CLSTN2: variants seen among roughly 807,000 people sequenced by gnomAD.
CLSTN2 encodes the protein calsyntenin 2, also known as calsyntenin-2.
Under a neutral mutation model 101.2 loss-of-function variants are expected in CLSTN2, and 48 were observed. That is an observed-to-expected ratio of 0.47 (90% confidence interval 0.38 to 0.60). CLSTN2 has a LOEUF of 0.60. Among genes scored for constraint, CLSTN2 ranks in the 20% least tolerant of loss-of-function variants. CLSTN2 has a pLI of 0.00. For synonymous variants in CLSTN2, 481 were observed against 463.6 expected (o/e 1.04, Z -0.48); for missense variants, 1,160 against 1,238.2 (o/e 0.94, Z 0.95).
At chr3:140,136,418 G>A (rs2009616387) in intron 1 of CLSTN2, among the ~76,000 whole-genome samples, 1 of 152,168 alleles carries the variant, frequency 6.6e-6, no homozygotes. Flanking sequence ...ATTGTCCTAC[G>A]GATTAAGATG....
At chr3:139,956,442 C>A (rs1047889380) in intron 1 of CLSTN2, among the ~76,000 whole-genome samples, 27 of 152,246 alleles carry the variant, frequency 1.8e-4, no homozygotes, top group African/African-American at 6.0e-4. Flanking sequence ...TTGTTAGTCA[C>A]CCCCGCTGGG....
At chr3:140,541,983 A>T (rs1193329348) in intron 9 of CLSTN2, among the ~76,000 whole-genome samples, 1 of 152,138 alleles carries the variant, frequency 6.6e-6, no homozygotes, top group Non-Finnish European at 1.5e-5. Flanking sequence ...GTGTATTTAG[A>T]TGGAAGGTAA....
chr3:140,240,172 CTCTATATATA>C lies in CLSTN2; in HGVS notation c.232+64101_232+64110del, dbSNP rs1463173504. On this transcript the variant is annotated intron_variant, in intron 2 of 16. Transcript: ENST00000458420. ...TCTCTGTCTCTCTCTCTCTCTCTCT[CTCTATATATA>C]TATATATATATATATATACACACAC... is the stretch of plus-strand genomic sequence containing the variant. Among the ~76,000 whole-genome samples, 21 of 13,776 alleles carry C rather than the reference CTCTATATATA, an allele frequency of 1.5e-3. 2 individuals carry two copies. Among genetic ancestry groups the C allele is most frequent in the Admixed American group, 1.9e-3 (1 of 516 alleles). The allele number at this position is 13,776 out of a possible 152,430, so 9.0% of individuals were successfully genotyped here.
At chr3:139,967,320 T>C (rs1290731047) in intron 1 of CLSTN2, among the ~76,000 whole-genome samples, 2 of 152,222 alleles carry the variant, frequency 1.3e-5, no homozygotes, top group Non-Finnish European at 2.9e-5. Flanking sequence ...GTAGTCTTGT[T>C]TTCTAAAGTT....
rs77752821 is a variant in CLSTN2 at position 140,320,620 on chromosome 3, G to C, written c.233-83009G>C. Among the ~76,000 whole-genome samples, 27 of 146,182 alleles carry C rather than the reference G, an allele frequency of 1.8e-4. No homozygotes were observed. The East Asian group carries it at 2.4e-3, about 13-fold the overall frequency. On this transcript the variant is annotated intron_variant, in intron 2 of 16. Coordinates refer to ENST00000458420, the MANE Select transcript of CLSTN2 (RefSeq NM_022131.3). ...ATTTGTGTTTTTTTTGCGGGGGGGG[G>C]CAGGGGTCAATACACATATTATTAT...
intron 8 of CLSTN2, among the ~76,000 whole-genome samples, chr3:140,483,171 T>C (rs151160119): frequency 0.058 from 8,885 of 152,280 alleles, 844 homozygotes; most frequent in African/African-American, 0.2. Flanking sequence ...TCAAAGAACA[T>C]CTTTATTTCT....
At chr3:140,090,201 G>C (rs1049765512) in intron 1 of CLSTN2, among the ~76,000 whole-genome samples, 2 of 150,904 alleles carry the variant, frequency 1.3e-5, no homozygotes, top group Admixed American at 6.6e-5. Flanking sequence ...TATCTTGGGG[G>C]AAGCATGTCT....
At chr3:140,563,515 A>G (rs79621222) in intron 15 of CLSTN2, among the ~76,000 whole-genome samples, 2,357 of 152,234 alleles carry the variant, frequency 0.015, 63 homozygotes, top group African/African-American at 0.051. Context: ...ACACTCACAC[A>G]CACGTACACA....
rs186690618 is a variant in CLSTN2 at position 140,485,915 on chromosome 3, G to A, written c.1344+19184G>A. Among the ~76,000 whole-genome samples the A allele has an allele frequency of 7.9e-5, 12 of 152,050 alleles. No homozygotes were observed. In the East Asian group the frequency reaches 2.3e-3, roughly 30 times the overall value. On this transcript the variant is annotated intron_variant, in intron 8 of 16. Coordinates refer to ENST00000458420, the MANE Select transcript of CLSTN2 (RefSeq NM_022131.3). Reference sequence around the variant, plus strand: ...TGACCCCTTGCGCTTCCCAGGTGAGGCGATGCCTCACCCTGCTTCGGCTCA... The same window carrying A: ...TGACCCCTTGCGCTTCCCAGGTGAGACGATGCCTCACCCTGCTTCGGCTCA...
intron 2 of CLSTN2, among the ~76,000 whole-genome samples, chr3:140,304,028 G>A (rs1224432713): frequency 6.6e-6 from 1 of 152,026 alleles, no homozygotes; most frequent in Non-Finnish European, 1.5e-5. Context: ...TACTCATTTG[G>A]GTGGTGGTAT....
intron 1 of CLSTN2, among the ~76,000 whole-genome samples, chr3:140,065,867 T>G (rs2882426): frequency 1.0e-3 from 158 of 152,170 alleles, no homozygotes; most frequent in Non-Finnish European, 1.2e-4. Flanking sequence ...GCTACTTTTA[T>G]AATCCCATGG....
intron 2 of CLSTN2, among the ~76,000 whole-genome samples, chr3:140,217,985 A>T (rs954544616): frequency 6.6e-6 from 1 of 152,244 alleles, no homozygotes; most frequent in African/African-American, 2.4e-5. Flanking sequence ...TTGATGACTC[A>T]ATATACATGA....
intron 1 of CLSTN2, among the ~76,000 whole-genome samples, chr3:140,006,995 A>G (rs2006972204): frequency 6.6e-6 from 1 of 152,234 alleles, no homozygotes; most frequent in African/African-American, 2.4e-5. Flanking sequence ...TCAAGATTTC[A>G]AATAAATACA....
At chr3:140,033,606 C>T (rs1381954009) in intron 1 of CLSTN2, among the ~76,000 whole-genome samples, 1 of 152,170 alleles carries the variant, frequency 6.6e-6, no homozygotes, top group Non-Finnish European at 1.5e-5. Flanking sequence ...ACTAATCCCA[C>T]AAATGAAACA....
At chr3:140,331,132 G>A (rs979376620) in intron 2 of CLSTN2, among the ~76,000 whole-genome samples, 21 of 152,200 alleles carry the variant, frequency 1.4e-4, no homozygotes, top group Admixed American at 1.3e-3. Flanking sequence ...GAAGTACTGA[G>A]AGCCCCCAGG....
intron 1 of CLSTN2, among the ~76,000 whole-genome samples, chr3:139,963,845 C>A (rs933418942): frequency 6.6e-6 from 1 of 152,234 alleles, no homozygotes; most frequent in Non-Finnish European, 1.5e-5. Context: ...TCTTGCACAG[C>A]AGAGCCCAGT....
chr3:140,274,441 GC>G (rs2107891966), intron 2 of CLSTN2, among the ~76,000 whole-genome samples: 1 of 152,284 alleles, frequency 6.6e-6, no homozygotes, highest in Admixed American at 6.5e-5. Flanking sequence ...GTTTAAATTG[GC>G]CCCGTTTTAT....
chr3:140,245,908 G>A (rs1387564626), intron 2 of CLSTN2, among the ~76,000 whole-genome samples: 1 of 152,146 alleles, frequency 6.6e-6, no homozygotes, highest in African/African-American at 2.4e-5. Flanking sequence ...TAGCCTGCAT[G>A]GCTGGTGGCA....
chr3:140,224,374 CT>C (rs544207974), intron 2 of CLSTN2, among the ~76,000 whole-genome samples: 60 of 152,224 alleles, frequency 3.9e-4, no homozygotes, highest in Admixed American at 3.7e-3. Context: ...AATAAATATT[CT>C]GGTTATTATT....
Sources: gnomAD v4.1 joint callset for allele counts (sites outside exome capture counted in the v4.1 genomes callset) on GRCh38, gnomAD v4.1.1 for gene constraint, MANE v1.5 for transcripts, NCBI Gene and HGNC (gene_info 2026-07-23, HGNC 2026-07-21) for gene names.